LRRC20: variants seen among roughly 807,000 people sequenced by gnomAD.
The protein encoded by LRRC20 is leucine rich repeat containing 20.
Under a neutral mutation model 14.4 loss-of-function variants are expected in LRRC20, and 11 were observed. The ratio of observed to expected loss-of-function variants is 0.77; its 90% CI spans 0.48 to 1.27. LRRC20 has a LOEUF of 1.27. LRRC20 is among the 50% of genes most tolerant of loss of function. LRRC20 has a pLI of 0.00. For synonymous variants in LRRC20, 121 were observed against 107.3 expected, an observed-to-expected ratio of 1.13 and a Z score of -0.79; for missense variants, 219 against 251.2, an observed-to-expected ratio of 0.87 and a Z score of 0.87.
intron 2 of LRRC20, among the ~76,000 whole-genome samples, chr10:70,361,632 G>A (rs946294197): frequency 2.6e-5 from 4 of 152,310 alleles, no homozygotes; most frequent in Non-Finnish European, 4.4e-5. Flanking sequence ...TTGGGGAAAG[G>A]ACGATCAAGG....
intron 4 of LRRC20, among the ~76,000 whole-genome samples, chr10:70,323,051 G>A (rs1290028242): frequency 6.6e-6 from 1 of 152,074 alleles, no homozygotes; most frequent in Non-Finnish European, 1.5e-5. Context: ...TGACTGAAGG[G>A]GGTTATTATG....
intron 2 of LRRC20, among the ~76,000 whole-genome samples, chr10:70,349,216 A>C (rs1325136363): frequency 6.6e-6 from 1 of 152,200 alleles, no homozygotes; most frequent in Non-Finnish European, 1.5e-5. Flanking sequence ...GGTCAGGCAG[A>C]GTCTCCACAG....
At chr10:70,319,896 ACC>A (rs1842010439) in intron 4 of LRRC20, among the ~76,000 whole-genome samples, 1 of 151,466 alleles carries the variant, frequency 6.6e-6, no homozygotes. Context: ...AGTCCCCAAG[ACC>A]CCGGAAGCCT....
intron 3 of LRRC20, among the ~76,000 whole-genome samples, chr10:70,337,032 C>T (rs1412753173): frequency 3.3e-5 from 5 of 152,194 alleles, no homozygotes; most frequent in Admixed American, 3.3e-4. Context: ...GGATGAAGGA[C>T]ATCAAGGGGA....
intron 4 of LRRC20, among the ~76,000 whole-genome samples, chr10:70,313,826 G>A (rs1245040971): frequency 6.6e-6 from 1 of 152,154 alleles, no homozygotes; most frequent in Non-Finnish European, 1.5e-5. Context: ...GGTGTTTGAG[G>A]TATCTTTCAG....
intron 2 of LRRC20, among the ~76,000 whole-genome samples, chr10:70,346,320 G>A (rs1209759970): frequency 6.6e-6 from 1 of 152,164 alleles, no homozygotes; most frequent in Non-Finnish European, 1.5e-5. Flanking sequence ...GGAGGATGAG[G>A]TGGGAGGATC....
intron 3 of LRRC20, among the ~76,000 whole-genome samples, chr10:70,330,540 C>T (rs1197442165): frequency 6.6e-6 from 1 of 152,180 alleles, no homozygotes; most frequent in Non-Finnish European, 1.5e-5. Context: ...TGTCCAACCC[C>T]TAGGGCTTTA....
chr10:70,346,925 AC>A (rs1292963654), intron 2 of LRRC20, among the ~76,000 whole-genome samples: 6 of 152,186 alleles, frequency 3.9e-5, no homozygotes, highest in African/African-American at 1.4e-4. Flanking sequence ...TCGCTCTGCC[AC>A]CCAGGCTGGA....
chr10:70,364,766 C>A (rs999383466), intron 2 of LRRC20, among the ~76,000 whole-genome samples: 3 of 152,178 alleles, frequency 2.0e-5, no homozygotes, highest in Non-Finnish European at 2.9e-5. Context: ...TGGACACACC[C>A]CTCGCGCTAG....
chr10:70,316,185 T>C (rs897860598), intron 4 of LRRC20, among the ~76,000 whole-genome samples: 5 of 152,178 alleles, frequency 3.3e-5, no homozygotes, highest in African/African-American at 1.2e-4. Flanking sequence ...CAGGCTGGAG[T>C]GCAGTGGTGC....
chr10:70,357,079 T>C (rs1589111213), intron 2 of LRRC20, among the ~76,000 whole-genome samples: 1 of 152,196 alleles, frequency 6.6e-6, no homozygotes, highest in Non-Finnish European at 1.5e-5. Flanking sequence ...GAAAACATTT[T>C]GCTATGTGAA....
intron 3 of LRRC20, among the ~76,000 whole-genome samples, chr10:70,337,944 G>A (rs1043728904): frequency 6.6e-6 from 1 of 152,102 alleles, no homozygotes; most frequent in African/African-American, 2.4e-5. Context: ...CCTTTCTGAG[G>A]GCCCGGACAG....
chr10:70,343,177 G>A (rs1294793059), intron 2 of LRRC20, among the ~76,000 whole-genome samples: 1 of 152,152 alleles, frequency 6.6e-6, no homozygotes, highest in Non-Finnish European at 1.5e-5. Flanking sequence ...TGCTCCACAA[G>A]CTGAGCCTCA....
intron 4 of LRRC20, 98 bp downstream of exon 4, chr10:70,323,765 A>G (rs1202226570): frequency 7.3e-7 from 1 of 1,374,226 alleles, no homozygotes; most frequent in African/African-American, 1.4e-5. Flanking sequence ...CAGAAAGCCC[A>G]AGCTTCTCCT....
rs1206585940 is a variant in LRRC20, at chr10:70,301,511, A to G, written c.401-3T>C. 3 of 1,613,620 alleles carry G rather than the reference A, an allele frequency of 1.9e-6. No homozygotes were observed. Among genetic ancestry groups the G allele is most frequent in the Admixed American group, 1.7e-5 (1 of 59,990 alleles). ...GGCCAGCTTCTCCACGGGCACATCT[A>G]TTGGGGACAGAATGGACAGGTTAGA... On this transcript the variant is annotated splice_polypyrimidine_tract_variant and splice_region_variant and intron_variant, in intron 4 of 4. Coordinates refer to ENST00000446961, the MANE Select transcript of LRRC20 (RefSeq NM_001278212.2).
At chr10:70,378,569 C>T (rs1844592300) in intron 1 of LRRC20, among the ~76,000 whole-genome samples, 1 of 151,716 alleles carries the variant, frequency 6.6e-6, no homozygotes, top group South Asian at 2.1e-4. Context: ...GGCAGATCAC[C>T]TAAGGTCAGG....
intron 2 of LRRC20, among the ~76,000 whole-genome samples, chr10:70,363,830 C>T (rs1397763160): frequency 2.1e-4 from 2 of 9,452 alleles, no homozygotes; most frequent in African/African-American, 3.5e-4. Context: ...AGGCAGAAGG[C>T]TCCAAGTCAA....
chr10:70,362,658 CAG>C (rs1843780911), intron 2 of LRRC20, among the ~76,000 whole-genome samples: 2 of 152,226 alleles, frequency 1.3e-5, no homozygotes. Flanking sequence ...CCTGTCCTGA[CAG>C]AGCTGACTCC....
intron 2 of LRRC20, among the ~76,000 whole-genome samples, chr10:70,368,570 C>G (rs1446335688): frequency 6.6e-6 from 1 of 152,022 alleles, no homozygotes; most frequent in Non-Finnish European, 1.5e-5. Context: ...CCACCGCGCC[C>G]AGCCTGAATC....
Sources: allele counts gnomAD v4.1 joint callset (sites outside exome capture counted in the v4.1 genomes callset), GRCh38; gene constraint gnomAD v4.1.1; transcripts MANE v1.5; gene names NCBI Gene and HGNC (gene_info 2026-07-23, HGNC 2026-07-21).